The following UNC5D variants were observed in gnomAD, a reference collection of about 807,000 sequenced individuals.
UNC5D encodes netrin receptor UNC5D.
Under a neutral mutation model 105.4 loss-of-function variants are expected in UNC5D, and 39 were observed. That is an observed-to-expected ratio of 0.37 (90% CI 0.29 to 0.48). The LOEUF (loss-of-function observed/expected upper bound fraction) is 0.48, where lower values mean the gene tolerates loss of function less well. Among genes scored for constraint, UNC5D ranks in the 20% least tolerant of loss-of-function variants. The pLI is 0.98. For missense variants in UNC5D, 991 were observed against 1,202.4 expected (o/e 0.82, Z 2.60); for synonymous variants, 452 against 450.4 (o/e 1.00, Z -0.04).
At chr8:35,343,679 A>T (rs1011025423) in intron 1 of UNC5D, among the ~76,000 whole-genome samples, 1 of 152,120 alleles carries the variant, frequency 6.6e-6, no homozygotes, top group African/African-American at 2.4e-5. Flanking sequence ...TTCTTTGCTA[A>T]GTGATTCCCT....
chr8:35,351,933 C>T (rs1812268677), intron 1 of UNC5D, among the ~76,000 whole-genome samples: 1 of 151,896 alleles, frequency 6.6e-6, no homozygotes, highest in Non-Finnish European at 1.5e-5. Flanking sequence ...CTGGTGGTAC[C>T]AGTTTTCTTG....
At chr8:35,335,081 GT>G (rs1278690864) in intron 1 of UNC5D, among the ~76,000 whole-genome samples, 1 of 152,030 alleles carries the variant, frequency 6.6e-6, no homozygotes, top group Non-Finnish European at 1.5e-5. Flanking sequence ...TTTTCACTTT[GT>G]TTGAGGTTCT....
intron 1 of UNC5D, among the ~76,000 whole-genome samples, chr8:35,485,993 G>T (rs1810794113): frequency 6.6e-6 from 1 of 152,088 alleles, no homozygotes; most frequent in African/African-American, 2.4e-5. Context: ...ATCACATGGG[G>T]TCTAGCTGAC....
intron 1 of UNC5D, among the ~76,000 whole-genome samples, chr8:35,459,847 T>G (rs1400131130): frequency 1.3e-5 from 2 of 152,212 alleles, no homozygotes; most frequent in African/African-American, 4.8e-5. Context: ...TAGCTTGATT[T>G]TATGCCATTG....
At chr8:35,329,615 TG>T (rs1810453088) in intron 1 of UNC5D, among the ~76,000 whole-genome samples, 1 of 152,010 alleles carries the variant, frequency 6.6e-6, no homozygotes, top group African/African-American at 2.4e-5. Context: ...CTCCTTTCCA[TG>T]TATTAGGCCA....
At chr8:35,380,668 G>T (rs1223170005) in intron 1 of UNC5D, among the ~76,000 whole-genome samples, 3 of 151,998 alleles carry the variant, frequency 2.0e-5, no homozygotes, top group Non-Finnish European at 2.9e-5. Flanking sequence ...TTTGAACCTG[G>T]TCTCTTCAAG....
At chr8:35,267,800 A>G (rs924637719) in intron 1 of UNC5D, among the ~76,000 whole-genome samples, 1 of 152,226 alleles carries the variant, frequency 6.6e-6, no homozygotes, top group Non-Finnish European at 1.5e-5. Flanking sequence ...AAGAACCTAA[A>G]GAACTGTCAA....
In UNC5D at chr8:35,235,713, C is replaced by A; in HGVS notation, c.-72C>A. ...CTCCCGAGACCCATTCGACTCGGGA[C>A]CCTCATCGCCGACCCTTTCCCGGGC... is the stretch of plus-strand genomic sequence containing the variant. On this transcript the variant is annotated 5_prime_UTR_variant, in exon 1 of 17. Transcript: ENST00000404895. 1 of 1,129,574 alleles carries A rather than the reference C, an allele frequency of 8.9e-7. No homozygotes were observed. Among genetic ancestry groups the A allele is most frequent in the Non-Finnish European group, 1.1e-6 (1 of 895,360 alleles). 70.0% of individuals were successfully genotyped at this position (1,129,574 alleles called of 1,614,324 possible). A position where few individuals can be genotyped will look rare whatever the true frequency, so the allele number is the denominator to read the frequency against.
chr8:35,585,806 T>C (rs1050992256), intron 3 of UNC5D, among the ~76,000 whole-genome samples: 13 of 151,748 alleles, frequency 8.6e-5, no homozygotes, highest in Admixed American at 5.3e-4. Flanking sequence ...TATATTCACA[T>C]ATATATGTAT....
rs79300614 is a variant in UNC5D at position 35,559,885 on chromosome 8, T to A, written c.323-8213T>A. Among the ~76,000 whole-genome samples, 561 of 152,344 alleles carry A rather than the reference T, an allele frequency of 3.7e-3. 7 individuals carry two copies. The highest frequency in any genetic ancestry group is 0.013 in the African/African-American group (536 of 41,578). ...TTCTATCTGATAAATAAGGGGATTA[T>A]AGCAATAACTGCTGTCAGCATTTTT... On this transcript the variant is annotated intron_variant, in intron 2 of 16. Coordinates refer to ENST00000404895, the MANE Select transcript of UNC5D (RefSeq NM_080872.4).
chr8:35,606,900 A>T (rs550252164), intron 4 of UNC5D, among the ~76,000 whole-genome samples: 3 of 152,290 alleles, frequency 2.0e-5, no homozygotes, highest in Admixed American at 2.0e-4. Flanking sequence ...GAGGATTCCT[A>T]TGAGAGGACA....
chr8:35,688,319 G>A (rs1380752621), intron 7 of UNC5D, among the ~76,000 whole-genome samples: 1 of 151,862 alleles, frequency 6.6e-6, no homozygotes, highest in Non-Finnish European at 1.5e-5. Context: ...TCTTTGGGAA[G>A]ATGACAGTAT....
rs1012032492 is a variant in UNC5D at position 35,543,611 on chromosome 8, T to G, written c.104-5681T>G. ...TTTAAAAGAAACATTTATTTCTAAA[T>G]GAAACACAGAAAAATTCTTATTATT... On this transcript the variant is annotated intron_variant, in intron 1 of 16. Transcript: ENST00000404895. Among the ~76,000 whole-genome samples the G allele has an allele frequency of 2.0e-5, 3 of 152,080 alleles. No homozygotes were observed. In the East Asian group the frequency reaches 5.8e-4, roughly 29 times the overall value.
At chr8:35,383,325 C>A (rs1803158185) in intron 1 of UNC5D, among the ~76,000 whole-genome samples, 1 of 152,120 alleles carries the variant, frequency 6.6e-6, no homozygotes, top group Non-Finnish European at 1.5e-5. Context: ...AAAAAAAATC[C>A]TCATCAAGAG....
At chr8:35,320,806 G>A (rs2128885527) in intron 1 of UNC5D, among the ~76,000 whole-genome samples, 1 of 152,210 alleles carries the variant, frequency 6.6e-6, no homozygotes, top group East Asian at 1.9e-4. Flanking sequence ...TGTTAACTTT[G>A]TAATGCCCTT....
chr8:35,442,422 C>A (rs545014692), intron 1 of UNC5D, among the ~76,000 whole-genome samples: 1 of 151,902 alleles, frequency 6.6e-6, no homozygotes, highest in East Asian at 1.9e-4. Flanking sequence ...ACAAGAGTTA[C>A]TCTAGAGGCA....
chr8:35,368,795 G>C (rs1802275090), intron 1 of UNC5D, among the ~76,000 whole-genome samples: 1 of 151,992 alleles, frequency 6.6e-6, no homozygotes, highest in Non-Finnish European at 1.5e-5. Context: ...TAGAACAAGA[G>C]ACAGTAGAAA....
chr8:35,323,704 G>A (rs1997314), intron 1 of UNC5D, among the ~76,000 whole-genome samples: 124,217 of 152,026 alleles, frequency 0.82, 51,246 homozygotes, highest in East Asian at 1. Context: ...CCATTTTAGC[G>A]ATAAAATAAA....
intron 8 of UNC5D, among the ~76,000 whole-genome samples, chr8:35,713,265 A>T (rs1277721604): frequency 2.0e-5 from 3 of 152,210 alleles, no homozygotes; most frequent in African/African-American, 7.2e-5. Flanking sequence ...GGTGCTTGTT[A>T]AAAATGTGAA....
Sources: allele counts gnomAD v4.1 joint callset (sites outside exome capture counted in the v4.1 genomes callset), GRCh38; gene constraint gnomAD v4.1.1; transcripts MANE v1.5; gene names NCBI Gene and HGNC (gene_info 2026-07-23, HGNC 2026-07-21).